The following PLD3 variants were observed in gnomAD, a reference collection of about 807,000 sequenced individuals.
PLD3 encodes 5'-3' exonuclease PLD3.
A neutral mutation model predicts 58.4 loss-of-function variants in PLD3; 31 were observed. The ratio of observed to expected loss-of-function variants is 0.53; its 90% CI spans 0.40 to 0.72. The LOEUF (loss-of-function observed/expected upper bound fraction) is 0.72. PLD3 is among the 30% of genes least tolerant of loss of function. The pLI, the probability that PLD3 is intolerant of heterozygous loss-of-function variation, is 0.00. For missense variants in PLD3, 595 were observed against 659.8 expected (o/e 0.90, Z 1.08); for synonymous variants, 264 against 273.4 (o/e 0.97, Z 0.34).
chr19:40,348,714 C>A lies in PLD3; in HGVS notation c.-333C>A. 1 of 580,742 alleles carries A rather than the reference C, an allele frequency of 1.7e-6. No individual in the cohort carries two copies. The highest frequency in any genetic ancestry group is 2.7e-6 in the Non-Finnish European group (1 of 363,900). 36.0% of individuals were successfully genotyped at this position (580,742 alleles called of 1,614,324 possible). A position where few individuals can be genotyped will look rare whatever the true frequency, so the allele number is the denominator to read the frequency against. On this transcript the variant is annotated 5_prime_UTR_variant, in exon 1 of 13. Coordinates refer to ENST00000409735, the MANE Select transcript of PLD3 (RefSeq NM_012268.4). ...TAGGAGGGGCCGTCAGGCGGGGATA[C>A]AGCCTGGAAGGTGCGTGTGGGGCTG...
At chr19:40,371,167 T>A (rs2079058277) in intron 8 of PLD3, among the ~76,000 whole-genome samples, 1 of 152,226 alleles carries the variant, frequency 6.6e-6, no homozygotes, top group Non-Finnish European at 1.5e-5. Context: ...CAATAACTCA[T>A]GAATTCATTT....
intron 8 of PLD3, 159 bp downstream of exon 8, chr19:40,370,396 T>A: frequency 1.3e-6 from 1 of 748,820 alleles, no homozygotes; most frequent in Non-Finnish European, 2.1e-6. Context: ...ATCCAAGCCA[T>A]GCACGGTGGC....
rs1397099614 is a variant in PLD3 at position 40,365,938 on chromosome 19, G to C, written c.-66+8G>C. ...GGCCGAGGCCCCTCAGGGGTAGGTGGGGGGAGGCTGGCTGGGGGGATGGGC... is the reference window on the plus strand; with the variant it reads ...GGCCGAGGCCCCTCAGGGGTAGGTGCGGGGAGGCTGGCTGGGGGGATGGGC... On this transcript the variant is annotated splice_region_variant and intron_variant, in intron 2 of 12. Transcript: ENST00000409735. The C allele has an allele frequency of 1.3e-5, 2 of 157,064 alleles. No individual in the cohort carries two copies. Among genetic ancestry groups the C allele is most frequent in the Admixed American group, 6.3e-5 (1 of 15,804 alleles). 9.7% of individuals were successfully genotyped at this position (157,064 alleles called of 1,614,324 possible).
At position 40,367,889 on chromosome 19, in the gene PLD3, A is replaced by T; in HGVS notation, c.429+10A>T. 1 of 1,527,812 alleles carries T rather than the reference A, an allele frequency of 6.5e-7. No homozygotes were observed. Among genetic ancestry groups the T allele is most frequent in the Non-Finnish European group, 8.8e-7 (1 of 1,136,720 alleles). The allele number at this position is 1,527,812 out of a possible 1,614,324, so 94.6% of individuals were successfully genotyped here. On this transcript the variant is annotated intron_variant, in intron 6 of 12. Coordinates refer to ENST00000409735, the MANE Select transcript of PLD3 (RefSeq NM_012268.4). ...GCCCTCTGCCCAGCAGGTACCTGCA[A>T]CCTTGGCCCTGGCCGGCAGCAGGGG...
At position 40,369,835 on chromosome 19, in the gene PLD3, TCCA is replaced by T. The variant is rs893389904; in HGVS notation, c.430-70_430-68del. 7.2e-6 allele frequency: 10 copies of T among 1,384,266 alleles called. No homozygotes were observed. The African/African-American group carries it at 1.4e-4, about 20-fold the overall frequency. The allele number at this position is 1,384,266 out of a possible 1,614,324, so 85.7% of individuals were successfully genotyped here. The stretch of plus-strand genomic sequence containing the variant: ...ACTCCTAATCATGTCTCAAAATAAC[TCCA>T]CCGGGCATTACCTTGTGGGGTTGGA... On this transcript the variant is annotated intron_variant, in intron 6 of 12. Coordinates refer to ENST00000409735, the MANE Select transcript of PLD3 (RefSeq NM_012268.4).
chr19:40,362,222 A>G (rs1009457585), intron 1 of PLD3, among the ~76,000 whole-genome samples: 2 of 152,222 alleles, frequency 1.3e-5, no homozygotes, highest in African/African-American at 4.8e-5. Context: ...CAACCAGTAA[A>G]TGTGTGTAAA....
In PLD3 at chr19:40,363,622, G is replaced by C. The variant is rs185077553; in HGVS notation, c.-278-2096G>C. Among the ~76,000 whole-genome samples the C allele has an allele frequency of 2.9e-3, 438 of 152,198 alleles. 2 individuals carry two copies. Among genetic ancestry groups the C allele is most frequent in the African/African-American group, 0.01 (427 of 41,502 alleles). On this transcript the variant is annotated intron_variant, in intron 1 of 12. Transcript: ENST00000409735. ...ATTTTTACATTTTTGGTAGAGAGAG[G>C]GTTTCACCACATTGGCCAGGCTGGT...
chr19:40,371,408 G>A (rs2079064288), intron 8 of PLD3: 2 of 468,918 alleles, frequency 4.3e-6, no homozygotes, highest in African/African-American at 1.9e-5. Context: ...CAACATGTCA[G>A]CCTAGACCTA....
At chr19:40,354,088 T>A (rs1226950538) in intron 1 of PLD3, among the ~76,000 whole-genome samples, 3 of 147,866 alleles carry the variant, frequency 2.0e-5, no homozygotes, top group Non-Finnish European at 4.5e-5. Context: ...TTTTTTTTTT[T>A]TTTGAGACAG....
intron 5 of PLD3, 153 bp from the exon 6 acceptor site, chr19:40,367,543 T>G: frequency 1.6e-6 from 1 of 611,070 alleles, no homozygotes; most frequent in Non-Finnish European, 2.8e-6. Context: ...ATGGCGCCAC[T>G]GCGCTTCCAG....
At chr19:40,370,583 G>C (rs543747417) in intron 8 of PLD3, 1 of 194,840 alleles carries the variant, frequency 5.1e-6, no homozygotes, top group African/African-American at 2.4e-5. Flanking sequence ...TGAGGTGGGA[G>C]GATCACTTGA....
chr19:40,367,807 C>T lies in PLD3; in HGVS notation c.357C>T (p.Ser119=), dbSNP rs144639479. 8.1e-6 allele frequency: 13 copies of T among 1,606,500 alleles called. No individual in the cohort carries two copies. The African/African-American group carries it at 1.6e-4, about 20-fold the overall frequency. ...WLGLLAGAHS[S]LDIASFYWTL... ...GCCTGCTCGCCGGTGCGCACAGCAG[C>T]CTGGACATCGCCTCCTTCTACTGGA... The change falls in exon 6 of 13, where the codon AGC becomes AGT. Residue 119 remains serine, a synonymous_variant. Transcript: ENST00000409735.
intron 1 of PLD3, among the ~76,000 whole-genome samples, 163 bp downstream of exon 1, chr19:40,348,931 G>A (rs940917429): frequency 6.6e-6 from 1 of 151,698 alleles, no homozygotes; most frequent in African/African-American, 2.4e-5. Context: ...TGTCGTCCTC[G>A]GTCTCTTTAT....
At chr19:40,350,710 C>T (rs554764688) in intron 1 of PLD3, among the ~76,000 whole-genome samples, 1 of 150,810 alleles carries the variant, frequency 6.6e-6, no homozygotes, top group East Asian at 1.9e-4. Flanking sequence ...CACCACTGCA[C>T]TCCAGCCTGG....
At chr19:40,355,424 T>C (rs1428812449) in intron 1 of PLD3, among the ~76,000 whole-genome samples, 1 of 151,852 alleles carries the variant, frequency 6.6e-6, no homozygotes, top group Non-Finnish European at 1.5e-5. Flanking sequence ...GTGATTCTCC[T>C]GCCTCACCCT....
At chr19:40,349,125 C>T (rs1351232751) in intron 1 of PLD3, among the ~76,000 whole-genome samples, 2 of 152,104 alleles carry the variant, frequency 1.3e-5, no homozygotes, top group African/African-American at 4.8e-5. Flanking sequence ...TCGTCATCGC[C>T]ATATGTTACC....
chr19:40,368,903 C>T (rs1391043829), intron 6 of PLD3, among the ~76,000 whole-genome samples: 1 of 151,768 alleles, frequency 6.6e-6, no homozygotes, highest in East Asian at 1.9e-4. Flanking sequence ...CCAGCCCAGG[C>T]AACATAGCAA....
intron 9 of PLD3, 26 bp from the exon 10 acceptor site, chr19:40,374,455 T>G (rs943423385): frequency 6.2e-6 from 10 of 1,611,648 alleles, no homozygotes; most frequent in Non-Finnish European, 8.5e-6. Context: ...GCAGGGCACA[T>G]GTCTTAACTG....
At chr19:40,363,356 T>C (rs531949393) in intron 1 of PLD3, among the ~76,000 whole-genome samples, 24 of 152,090 alleles carry the variant, frequency 1.6e-4, no homozygotes, top group African/African-American at 5.3e-4. Flanking sequence ...TATCTTCTGC[T>C]TCTCCTAGTG....
Sources: allele counts gnomAD v4.1 joint callset (sites outside exome capture counted in the v4.1 genomes callset), GRCh38; gene constraint gnomAD v4.1.1; transcripts MANE v1.5; gene names NCBI Gene and HGNC (gene_info 2026-07-23, HGNC 2026-07-21).